Variants in SINHCAF observed in about 807,000 individuals in gnomAD.
SINHCAF encodes SIN3-HDAC complex associated factor, also known as SIN3-HDAC complex-associated factor.
SINHCAF carries 3 observed loss-of-function variants against 25.8 expected under a neutral mutation model. The ratio of observed to expected loss-of-function variants is 0.12; its 90% confidence interval spans 0.05 to 0.30. The LOEUF (loss-of-function observed/expected upper bound fraction) is 0.30. Ranked by LOEUF, SINHCAF falls within the 10% of genes least tolerant of loss-of-function variation. SINHCAF has a pLI of 1.00. For synonymous variants in SINHCAF, 70 were observed against 85.5 expected (o/e 0.82, Z 1.00); for missense variants, 121 against 262.3 (o/e 0.46, Z 3.72).
At chr12:31,308,179 A>G (rs1287937262) in intron 1 of SINHCAF, among the ~76,000 whole-genome samples, 1 of 152,186 alleles carries the variant, frequency 6.6e-6, no homozygotes, top group Admixed American at 6.5e-5. Context: ...AGCCACAAGT[A>G]TCTGCCCACC....
chr12:31,309,847 A>G (rs1382426687), intron 1 of SINHCAF, among the ~76,000 whole-genome samples: 5 of 151,832 alleles, frequency 3.3e-5, no homozygotes, highest in African/African-American at 1.2e-4. Context: ...GTATTTTCTT[A>G]GTAGAGATGG....
intron 1 of SINHCAF, among the ~76,000 whole-genome samples, chr12:31,318,197 T>C (rs1939565381): frequency 6.6e-6 from 1 of 152,194 alleles, no homozygotes; most frequent in Non-Finnish European, 1.5e-5. Context: ...GGCTAGGCTA[T>C]TTGGCTGCAG....
intron 4 of SINHCAF, among the ~76,000 whole-genome samples, chr12:31,291,055 T>C (rs937115240): frequency 1.3e-5 from 2 of 152,074 alleles, no homozygotes; most frequent in South Asian, 2.1e-4. Context: ...TTACGTAGGA[T>C]TTAGAAGGCA....
In SINHCAF at chr12:31,294,143, T is replaced by C. The variant is rs186016471; in HGVS notation, c.229-212A>G. ...ATATTCTTTCCTGTGAAGTGGGTAA[T>C]AGTGGGAGTCTATTGGAAAAAAATT... On this transcript the variant is annotated intron_variant, in intron 3 of 5. Transcript: ENST00000337682. Among the ~76,000 whole-genome samples, 318 of 152,278 alleles carry C rather than the reference T, an allele frequency of 2.1e-3. 5 individuals are homozygous for C. The highest frequency in any genetic ancestry group is 7.1e-3 in the African/African-American group (297 of 41,550).
chr12:31,291,047 A>G lies in SINHCAF; in HGVS notation c.355+2758T>C, dbSNP rs115633398. Among the ~76,000 whole-genome samples, 409 of 152,268 alleles carry G rather than the reference A, an allele frequency of 2.7e-3. 2 individuals are homozygous for G. Among genetic ancestry groups the G allele is most frequent in the African/African-American group, 9.2e-3 (383 of 41,558 alleles). ...ACTGCAATTTTAAGTCTTAAAAATT[A>G]CGTAGGATTTAGAAGGCACCAAGGA... On this transcript the variant is annotated intron_variant, in intron 4 of 5. Transcript: ENST00000337682.
intron 4 of SINHCAF, among the ~76,000 whole-genome samples, chr12:31,291,911 T>C (rs1003700003): frequency 3.3e-5 from 5 of 152,346 alleles, no homozygotes; most frequent in African/African-American, 1.2e-4. Flanking sequence ...ACTGCTTCAA[T>C]GCACAAAGGT....
chr12:31,315,172 T>A (rs984474008), intron 1 of SINHCAF, among the ~76,000 whole-genome samples: 10 of 152,210 alleles, frequency 6.6e-5, no homozygotes, highest in African/African-American at 2.4e-4. Context: ...ATATGTGCGG[T>A]ATGGTGAAGC....
rs1024295427 is a variant in SINHCAF at position 31,324,169 on chromosome 12, C to A, written c.-21+1855G>T. On this transcript the variant is annotated intron_variant, in intron 1 of 5. Transcript: ENST00000337682. This position sits in a 1 kb window ranked among gnomAD's most constrained non-coding sequence, Gnocchi z 5.5. ...TCACCTGCGCCGGAACAACGGGCCCCGCGCCAGCCCGGCCCGGCGCCTCCC... is the reference window on the plus strand; with the variant it reads ...TCACCTGCGCCGGAACAACGGGCCCAGCGCCAGCCCGGCCCGGCGCCTCCC... 3.7e-6 allele frequency: 1 copy of A among 270,240 alleles called. No individual in the cohort carries two copies. The highest frequency in any genetic ancestry group is 3.2e-5 in the South Asian group (1 of 31,102). The allele number at this position is 270,240 out of a possible 1,614,324, so 16.7% of individuals were successfully genotyped here.
intron 1 of SINHCAF, chr12:31,303,011 T>C: frequency 1.0e-6 from 1 of 985,298 alleles, no homozygotes; most frequent in South Asian, 4.7e-5. Context: ...CAATCATCTA[T>C]CTGTCTATCT....
chr12:31,296,038 T>C (rs1259151833), intron 2 of SINHCAF, among the ~76,000 whole-genome samples: 1 of 152,056 alleles, frequency 6.6e-6, no homozygotes. Flanking sequence ...TTTTTTTTAA[T>C]TTAATTTAAA....
intron 4 of SINHCAF, among the ~76,000 whole-genome samples, chr12:31,289,142 A>G (rs1797494281): frequency 6.6e-6 from 1 of 152,238 alleles, no homozygotes. Flanking sequence ...AAAACAAATG[A>G]ACAGAGCAGG....
intron 4 of SINHCAF, among the ~76,000 whole-genome samples, chr12:31,289,539 A>G (rs1938216658): frequency 6.6e-6 from 1 of 152,240 alleles, no homozygotes; most frequent in Non-Finnish European, 1.5e-5. Flanking sequence ...GATGTCAGAT[A>G]AATGTACAAG....
chr12:31,321,353 G>C (rs2137140587), intron 1 of SINHCAF, among the ~76,000 whole-genome samples: 1 of 152,320 alleles, frequency 6.6e-6, no homozygotes, highest in South Asian at 2.1e-4. Flanking sequence ...ACAACCAAGA[G>C]TCAAGGGCAG....
rs1280108565 is a variant in SINHCAF at position 31,324,591 on chromosome 12, CA to C, written c.-21+1432del. The C allele has an allele frequency of 1.4e-5, 3 of 217,280 alleles. No individual in the cohort carries two copies. Among genetic ancestry groups the C allele is most frequent in the Non-Finnish European group, 2.9e-5 (3 of 105,126 alleles). 13.5% of individuals were successfully genotyped at this position (217,280 alleles called of 1,614,324 possible). A position where few individuals can be genotyped will look rare whatever the true frequency, so the allele number is the denominator to read the frequency against. On this transcript the variant is annotated intron_variant, in intron 1 of 5. Transcript: ENST00000337682. The surrounding 1 kb of genome is among the most constrained non-coding windows in gnomAD (Gnocchi z 5.5). ...CCGAACTTCGAGGGCCTCCGACCTG[CA>C]CGGCCCTACGCCCAGGCGGCGGCCC...
At chr12:31,299,036 T>A in intron 1 of SINHCAF, among the ~76,000 whole-genome samples, 1 of 149,140 alleles carries the variant, frequency 6.7e-6, no homozygotes, top group East Asian at 2.0e-4. Flanking sequence ...GCAGTCCTCC[T>A]GTTAAAAAAA....
intron 5 of SINHCAF, among the ~76,000 whole-genome samples, chr12:31,285,577 C>T (rs1035221226): frequency 6.6e-6 from 1 of 152,016 alleles, no homozygotes; most frequent in African/African-American, 2.4e-5. Context: ...ATTCTAATGC[C>T]AAACTGCCTA....
At position 31,324,670 on chromosome 12, in the gene SINHCAF, C is replaced by T. The variant is rs1239890729; in HGVS notation, c.-21+1354G>A. 2 of 321,540 alleles carry T rather than the reference C, an allele frequency of 6.2e-6. No homozygotes were observed. Among genetic ancestry groups the T allele is most frequent in the African/African-American group, 2.2e-5 (1 of 45,574 alleles). The allele number at this position is 321,540 out of a possible 1,614,324, so 19.9% of individuals were successfully genotyped here. A position where few individuals can be genotyped will look rare whatever the true frequency, so the allele number is the denominator to read the frequency against. On this transcript the variant is annotated intron_variant, in intron 1 of 5. Coordinates refer to ENST00000337682, the MANE Select transcript of SINHCAF (RefSeq NM_001135812.2). This position sits in a 1 kb window ranked among gnomAD's most constrained non-coding sequence, Gnocchi z 5.5. The stretch of plus-strand genomic sequence containing the variant: ...TGCAGCCCTTTGTTTTCTGTCCAGC[C>T]GGGCGCTGCCTACGTGCAGCATCAG...
intron 1 of SINHCAF, among the ~76,000 whole-genome samples, chr12:31,315,936 TG>T (rs1179601912): frequency 6.6e-6 from 1 of 152,114 alleles, no homozygotes; most frequent in African/African-American, 2.4e-5. Context: ...GATGCCAAGG[TG>T]GGTGGATCAC....
At chr12:31,287,484 T>A in intron 5 of SINHCAF, 150 bp downstream of exon 5, 1 of 484,896 alleles carries the variant, frequency 2.1e-6, no homozygotes, top group Non-Finnish European at 3.5e-6. Context: ...CATACAAAAA[T>A]CCCACTTCCC....
Sources: gnomAD v4.1 joint callset for allele counts (sites outside exome capture counted in the v4.1 genomes callset) on GRCh38, gnomAD v4.1.1 for gene constraint, Gnocchi (gnomAD v3.1) non-coding constraint, MANE v1.5 for transcripts, NCBI Gene and HGNC (gene_info 2026-07-23, HGNC 2026-07-21) for gene names.